CYP19A1: variants seen among roughly 807,000 people sequenced by gnomAD.
CYP19A1 encodes the protein cytochrome P450 family 19 subfamily A member 1.
Under a neutral mutation model 44.4 loss-of-function variants are expected in CYP19A1, and 32 were observed. The observed-to-expected ratio is 0.72, with a 90% CI of 0.54 to 0.97. The LOEUF is 0.97. Among genes scored for constraint, CYP19A1 ranks in the 50% least tolerant of loss-of-function variants. CYP19A1 has a pLI of 0.00. For synonymous variants in CYP19A1, 212 were observed against 215.6 expected, an observed-to-expected ratio of 0.98 and a Z score of 0.14; for missense variants, 598 against 637.8, an observed-to-expected ratio of 0.94 and a Z score of 0.67.
chr15:51,317,358 C>T (rs1309030115), intron 1 of CYP19A1, among the ~76,000 whole-genome samples: 1 of 152,198 alleles, frequency 6.6e-6, no homozygotes, highest in Non-Finnish European at 1.5e-5. Flanking sequence ...ATCGGCCTGC[C>T]TTGGCCTCCC....
intron 1 of CYP19A1, among the ~76,000 whole-genome samples, chr15:51,246,319 G>A (rs1255173330): frequency 5.3e-5 from 8 of 152,112 alleles, no homozygotes; most frequent in East Asian, 1.9e-4. Context: ...TTGCCAGGCC[G>A]TCTCAAATGC....
chr15:51,334,175 T>C (rs2141032872), intron 1 of CYP19A1, among the ~76,000 whole-genome samples: 1 of 152,340 alleles, frequency 6.6e-6, no homozygotes, highest in Middle Eastern at 3.4e-3. Context: ...TTCCCTGCTC[T>C]ATTGTTTCAC....
intron 1 of CYP19A1, among the ~76,000 whole-genome samples, chr15:51,289,021 G>C (rs1316332495): frequency 6.6e-6 from 1 of 152,216 alleles, no homozygotes; most frequent in Non-Finnish European, 1.5e-5. Context: ...TAAGTGCGGG[G>C]TGTGGGGTCG....
At chr15:51,224,842 G>A (rs932205486) in intron 4 of CYP19A1, among the ~76,000 whole-genome samples, 3 of 152,188 alleles carry the variant, frequency 2.0e-5, no homozygotes, top group South Asian at 2.1e-4. Context: ...GTCCCTGAAT[G>A]TATCTGCACC....
intron 1 of CYP19A1, among the ~76,000 whole-genome samples, chr15:51,329,376 T>C (rs2036663703): frequency 6.6e-6 from 1 of 152,182 alleles, no homozygotes; most frequent in Non-Finnish European, 1.5e-5. Context: ...AGGCACCCTC[T>C]GAGAGCTGAC....
chr15:51,317,905 CTT>C (rs2036457259), intron 1 of CYP19A1, among the ~76,000 whole-genome samples: 1 of 152,196 alleles, frequency 6.6e-6, no homozygotes, highest in Non-Finnish European at 1.5e-5. Context: ...ATTCTGTGCT[CTT>C]TGAGAGAATC....
At chr15:51,301,589 A>G (rs2036115514) in intron 1 of CYP19A1, among the ~76,000 whole-genome samples, 1 of 152,054 alleles carries the variant, frequency 6.6e-6, no homozygotes, top group African/African-American at 2.4e-5. Flanking sequence ...TTCCTTCCCT[A>G]CTTTTTCTGG....
At chr15:51,302,484 C>G (rs923141422) in intron 1 of CYP19A1, among the ~76,000 whole-genome samples, 2 of 152,234 alleles carry the variant, frequency 1.3e-5, no homozygotes, top group Non-Finnish European at 2.9e-5. Context: ...TAATTCAAAA[C>G]AGTGGCCTAT....
chr15:51,271,235 C>A (rs1381430262), intron 1 of CYP19A1, among the ~76,000 whole-genome samples: 1 of 152,112 alleles, frequency 6.6e-6, no homozygotes, highest in Non-Finnish European at 1.5e-5. Flanking sequence ...TCTGTTCTGT[C>A]CCTCTCTCAT....
chr15:51,294,709 C>G (rs1215642918), intron 1 of CYP19A1, among the ~76,000 whole-genome samples: 4 of 150,288 alleles, frequency 2.7e-5, no homozygotes, highest in Admixed American at 1.3e-4. Context: ...CGGCCAGCCG[C>G]CCCGTCTGGC....
intron 1 of CYP19A1, among the ~76,000 whole-genome samples, chr15:51,292,119 C>T (rs2035860765): frequency 6.6e-6 from 1 of 152,046 alleles, no homozygotes; most frequent in Non-Finnish European, 1.5e-5. Context: ...GAGGAGAGAC[C>T]CAATAAAGGT....
intron 1 of CYP19A1, among the ~76,000 whole-genome samples, chr15:51,297,949 A>C (rs1252238727): frequency 6.6e-6 from 1 of 151,582 alleles, no homozygotes; most frequent in Non-Finnish European, 1.5e-5. Flanking sequence ...TTAGGAGAGG[A>C]TTTAGGCTAC....
chr15:51,212,649 C>T lies in CYP19A1; in HGVS notation c.1022-88G>A, dbSNP rs527494848. The T allele has an allele frequency of 1.2e-3, 1,143 of 919,716 alleles. 6 individuals carry two copies. Among genetic ancestry groups the T allele is most frequent in the South Asian group, 4.4e-3 (324 of 74,196 alleles). 57.0% of individuals were successfully genotyped at this position (919,716 alleles called of 1,614,324 possible). On this transcript the variant is annotated intron_variant, in intron 8 of 9. Transcript: ENST00000396402. ...AAGCTTCTATTTTTTTCCACAGAAC[C>T]GTTTGCTCTTGGTTGAAAAAAATTG...
chr15:51,238,811 G>A (rs1363611498), intron 2 of CYP19A1, among the ~76,000 whole-genome samples: 2 of 152,148 alleles, frequency 1.3e-5, no homozygotes, highest in African/African-American at 2.4e-5. Context: ...AGTCCCTAGC[G>A]ATCAATTGTA....
At chr15:51,274,992 C>T (rs2140959968) in intron 1 of CYP19A1, among the ~76,000 whole-genome samples, 1 of 152,288 alleles carries the variant, frequency 6.6e-6, no homozygotes, top group African/African-American at 2.4e-5. Flanking sequence ...CTCCCTCCTT[C>T]ACCTTAACTT....
At chr15:51,234,352 G>T (rs2033241041) in intron 3 of CYP19A1, among the ~76,000 whole-genome samples, 1 of 152,206 alleles carries the variant, frequency 6.6e-6, no homozygotes, top group South Asian at 2.1e-4. Flanking sequence ...TGATGGTAGT[G>T]TGGGTGGGTT....
At chr15:51,267,328 A>G (rs1420405538) in intron 1 of CYP19A1, among the ~76,000 whole-genome samples, 1 of 152,088 alleles carries the variant, frequency 6.6e-6, no homozygotes, top group South Asian at 2.1e-4. Flanking sequence ...GTGCAAAATA[A>G]AAACGCGGGG....
rs549187824 is a variant in CYP19A1 at position 51,295,000 on chromosome 15, A to G, written c.-39+43495T>C. Among the ~76,000 whole-genome samples, 520 of 81,218 alleles carry G rather than the reference A, an allele frequency of 6.4e-3. 1 individual carries two copies. The highest frequency in any genetic ancestry group is 0.05 in the African/African-American group (453 of 9,124). The allele number at this position is 81,218 out of a possible 152,430, so 53.3% of individuals were successfully genotyped here. ...TAAGAAAAATTCTTCTGCCTTGGGG[A>G]AAAAAAAAAAAAGAATGCCTGATAC... is the stretch of plus-strand genomic sequence containing the variant. On this transcript the variant is annotated intron_variant, in intron 1 of 9. Coordinates refer to ENST00000396402, the MANE Select transcript of CYP19A1 (RefSeq NM_000103.4).
intron 1 of CYP19A1, among the ~76,000 whole-genome samples, chr15:51,297,949 A>AT (rs1022109631): frequency 2.0e-5 from 3 of 151,582 alleles, no homozygotes; most frequent in African/African-American, 7.3e-5. Flanking sequence ...TTAGGAGAGG[A>AT]TTTAGGCTAC....
Sources: allele counts gnomAD v4.1 joint callset (sites outside exome capture counted in the v4.1 genomes callset), GRCh38; gene constraint gnomAD v4.1.1; transcripts MANE v1.5; gene names NCBI Gene and HGNC (gene_info 2026-07-23, HGNC 2026-07-21).